Variants in EYA2 observed in about 807,000 individuals in gnomAD.
EYA2 encodes protein phosphatase EYA2.
Under a neutral mutation model 69.2 loss-of-function variants are expected in EYA2, and 31 were observed. That is an observed-to-expected ratio of 0.45 (90% CI 0.34 to 0.60). The LOEUF (loss-of-function observed/expected upper bound fraction) is 0.60, where lower values mean the gene tolerates loss of function less well. Ranked by LOEUF, EYA2 falls within the 20% of genes least tolerant of loss-of-function variation. EYA2 has a pLI of 0.02. For synonymous variants in EYA2, 257 were observed against 279.4 expected (o/e 0.92, Z 0.80); for missense variants, 622 against 701.2 (o/e 0.89, Z 1.28).
chr20:47,035,841 C>G (rs1984673771), intron 5 of EYA2, among the ~76,000 whole-genome samples: 2 of 149,872 alleles, frequency 1.3e-5, no homozygotes, highest in African/African-American at 2.5e-5. Flanking sequence ...AACCCCGTCT[C>G]TGAAAAAAAA....
intron 8 of EYA2, among the ~76,000 whole-genome samples, chr20:47,090,229 C>CTTTTTTTT (rs60732138): frequency 8.2e-6 from 1 of 122,060 alleles, no homozygotes; most frequent in Admixed American, 8.8e-5. Flanking sequence ...ATGCTCCAAT[C>CTTTTTTTT]TTTTTTTTTT....
chr20:47,177,712 T>C (rs1293788772), intron 12 of EYA2, among the ~76,000 whole-genome samples: 1 of 152,364 alleles, frequency 6.6e-6, no homozygotes, highest in Admixed American at 6.5e-5. Flanking sequence ...GATGTCTCCA[T>C]AGCACAGGCA....
At chr20:47,154,819 T>TTGTGTGTGTGTGTGTGTGTG (rs11472542) in intron 10 of EYA2, among the ~76,000 whole-genome samples, 7 of 140,794 alleles carry the variant, frequency 5.0e-5, no homozygotes, top group South Asian at 2.5e-4. Flanking sequence ...TTATTTTGTT[T>TTGTGTGTGTGTGTGTGTGTG]TGTGTGTGTG....
At chr20:46,908,656 C>T (rs1280306637) in intron 1 of EYA2, among the ~76,000 whole-genome samples, 4 of 152,136 alleles carry the variant, frequency 2.6e-5, no homozygotes, top group Non-Finnish European at 5.9e-5. Context: ...GCAGGGACTC[C>T]ACCCGGTGCC....
Position 47,089,969 on chromosome 20 carries a change from C to CTT in EYA2, c.804+589_804+590insTT, listed in dbSNP as rs574542841. Among the ~76,000 whole-genome samples the CTT allele has an allele frequency of 3.1e-3, 464 of 152,114 alleles. 3 individuals are homozygous for CTT. The highest frequency in any genetic ancestry group is 5.2e-3 in the Non-Finnish European group (354 of 67,996). On this transcript the variant is annotated intron_variant, in intron 8 of 15. Coordinates refer to ENST00000327619, the MANE Select transcript of EYA2 (RefSeq NM_005244.5). ...ACTCTAATAAGGCTTAGATATTGATCTGTGTGGAGGCTGGCTCTAATGAGT... is the reference window on the plus strand; with the variant it reads ...ACTCTAATAAGGCTTAGATATTGATCTTTGTGTGGAGGCTGGCTCTAATGAGT...
chr20:47,175,907 A>G (rs2034417591), intron 12 of EYA2, among the ~76,000 whole-genome samples: 1 of 152,188 alleles, frequency 6.6e-6, no homozygotes. Flanking sequence ...TGGGACATGT[A>G]GCAGTAAGAA....
intron 1 of EYA2, among the ~76,000 whole-genome samples, chr20:46,988,961 C>T (rs6090595): frequency 6.6e-6 from 1 of 152,188 alleles, no homozygotes. Context: ...CTGCCTCAGC[C>T]TCCCAAAGTG....
chr20:46,980,047 T>C (rs557622718), intron 1 of EYA2, among the ~76,000 whole-genome samples: 1 of 152,288 alleles, frequency 6.6e-6, no homozygotes, highest in South Asian at 2.1e-4. Context: ...GGTAGCTTAG[T>C]AGACTTTAGA....
intron 1 of EYA2, among the ~76,000 whole-genome samples, chr20:46,980,832 A>G (rs1042524152): frequency 1.3e-5 from 2 of 152,196 alleles, no homozygotes; most frequent in Non-Finnish European, 2.9e-5. Flanking sequence ...TTTAGCTCCC[A>G]CATGTGATTG....
Position 47,093,336 on chromosome 20 carries a change from C to T in EYA2, c.805-3749C>T, listed in dbSNP as rs528822894. Among the ~76,000 whole-genome samples the T allele has an allele frequency of 4.1e-4, 62 of 152,284 alleles. 1 individual carries two copies. Among genetic ancestry groups the T allele is most frequent in the Middle Eastern group, 3.4e-3 (1 of 294 alleles). On this transcript the variant is annotated intron_variant, in intron 8 of 15. Transcript: ENST00000327619. ...TCTGGGTCCAGCCCATGCTGAAGTC[C>T]GAGGGGAGTGGGTGGATGGGCAGAA...
chr20:46,994,775 A>G (rs1031690975), intron 2 of EYA2, among the ~76,000 whole-genome samples: 1 of 151,892 alleles, frequency 6.6e-6, no homozygotes, highest in African/African-American at 2.4e-5. Context: ...AAATGGTGCT[A>G]TTAATCCCAT....
At chr20:47,186,904 C>CAA (rs1380266854) in intron 15 of EYA2, among the ~76,000 whole-genome samples, 1 of 152,092 alleles carries the variant, frequency 6.6e-6, no homozygotes, top group Non-Finnish European at 1.5e-5. Flanking sequence ...ACAATTTGTC[C>CAA]TGCATCCTTC....
intron 1 of EYA2, among the ~76,000 whole-genome samples, chr20:46,987,998 G>A (rs56141549): frequency 0.039 from 1,319 of 34,150 alleles, 121 homozygotes; most frequent in African/African-American, 0.051. Flanking sequence ...ATATATATAT[G>A]GGGCAAAAAA....
chr20:47,150,968 G>C (rs1024531503), intron 10 of EYA2, among the ~76,000 whole-genome samples: 1 of 152,034 alleles, frequency 6.6e-6, no homozygotes, highest in African/African-American at 2.4e-5. Flanking sequence ...AGGGGGAAGT[G>C]AATTGGGTAT....
intron 10 of EYA2, among the ~76,000 whole-genome samples, chr20:47,146,774 G>A (rs926617914): frequency 3.9e-5 from 6 of 152,170 alleles, no homozygotes; most frequent in African/African-American, 1.4e-4. Flanking sequence ...CACCTGTAAG[G>A]GAGTTCCTTC....
At chr20:46,964,036 C>A (rs1429688607) in intron 1 of EYA2, among the ~76,000 whole-genome samples, 1 of 152,234 alleles carries the variant, frequency 6.6e-6, no homozygotes, top group Non-Finnish European at 1.5e-5. Flanking sequence ...CCACAGCCAG[C>A]ATCGCAGGAA....
intron 9 of EYA2, among the ~76,000 whole-genome samples, chr20:47,137,532 T>A (rs998776366): frequency 2.4e-4 from 37 of 152,242 alleles, no homozygotes; most frequent in African/African-American, 8.7e-4. Flanking sequence ...ATTTTAGGCT[T>A]TATTTGACTG....
chr20:47,052,057 TC>T (rs2030369043), intron 5 of EYA2, among the ~76,000 whole-genome samples: 2 of 152,060 alleles, frequency 1.3e-5, no homozygotes, highest in Non-Finnish European at 2.9e-5. Flanking sequence ...CTCCTTTTTT[TC>T]CCCCCAGAAA....
At chr20:46,972,575 C>G (rs1478731958) in intron 1 of EYA2, among the ~76,000 whole-genome samples, 2 of 152,194 alleles carry the variant, frequency 1.3e-5, no homozygotes, top group Non-Finnish European at 2.9e-5. Context: ...ACTCTGTATC[C>G]TATTCTGCTC....
Sources: gnomAD v4.1 joint callset for allele counts (sites outside exome capture counted in the v4.1 genomes callset) on GRCh38, gnomAD v4.1.1 for gene constraint, MANE v1.5 for transcripts, NCBI Gene and HGNC (gene_info 2026-07-23, HGNC 2026-07-21) for gene names.